ZC3HAV1: variants seen among roughly 807,000 people sequenced by gnomAD.
The protein encoded by ZC3HAV1 is zinc finger CCCH-type containing, antiviral 1.
A neutral mutation model predicts 86.6 loss-of-function variants in ZC3HAV1; 41 were observed. That is an observed-to-expected ratio of 0.47 (90% CI 0.37 to 0.61). The LOEUF is 0.61. ZC3HAV1 is among the 20% of genes least tolerant of loss of function. ZC3HAV1 has a pLI of 0.00. For synonymous variants in ZC3HAV1, 421 were observed against 432.1 expected, an observed-to-expected ratio of 0.97 and a Z score of 0.32; for missense variants, 964 against 1,141.1, an observed-to-expected ratio of 0.84 and a Z score of 2.24.
chr7:139,098,422 C>T (rs1817668052), intron 1 of ZC3HAV1, among the ~76,000 whole-genome samples: 1 of 152,148 alleles, frequency 6.6e-6, no homozygotes, highest in African/African-American at 2.4e-5. Flanking sequence ...TGCTGATAGG[C>T]ATGCGGGATC....
At position 139,065,458 on chromosome 7, in the gene ZC3HAV1, C is replaced by T. The variant is rs554076528; in HGVS notation, c.1873-459G>A. On this transcript the variant is annotated intron_variant, in intron 7 of 12. Coordinates refer to ENST00000242351, the MANE Select transcript of ZC3HAV1 (RefSeq NM_020119.4). ...AAGTAAAGAAAGACCATCTGGTCCT[C>T]GTCCAAACTCCAATAGTTGCAGTGT... 1.1e-4 allele frequency among the ~76,000 whole-genome samples: 16 copies of T among 152,284 alleles called. No individual in the cohort carries two copies. In the South Asian group the frequency reaches 1.5e-3, roughly 14 times the overall value.
intron 12 of ZC3HAV1, among the ~76,000 whole-genome samples, chr7:139,053,193 C>T (rs558788059): frequency 2.6e-4 from 40 of 152,256 alleles, no homozygotes; most frequent in African/African-American, 9.4e-4. Flanking sequence ...GAGTAGTTTA[C>T]AAGCACGTAT....
intron 2 of ZC3HAV1, among the ~76,000 whole-genome samples, chr7:139,084,894 G>C (rs1478193959): frequency 1.3e-5 from 2 of 152,236 alleles, no homozygotes; most frequent in Non-Finnish European, 2.9e-5. Flanking sequence ...GAGCAAACCA[G>C]ATCAGTATGG....
rs1470202155 is a variant in ZC3HAV1 at position 139,099,940 on chromosome 7, T to TAAATAAAC, written c.308+9083_308+9084insGTTTATTT. 7.9e-5 allele frequency among the ~76,000 whole-genome samples: 12 copies of TAAATAAAC among 151,432 alleles called. No homozygotes were observed. In the East Asian group the frequency reaches 2.1e-3, roughly 27 times the overall value. ...AAAAATAAATAAATAAATAAATAAA[T>TAAATAAAC]AAACCTCAAAAAAGTAAATAAATAA... On this transcript the variant is annotated intron_variant, in intron 1 of 12. Transcript: ENST00000242351.
Position 139,079,978 on chromosome 7 carries a change from T to C in ZC3HAV1, c.963A>G (p.Thr321=). ...GSSKATDLGG[T]SQAGTSQRFL... ...ACCTCTGGCTTGTCCCGGCCTGACT[T>C]GTTCCTCCAAGATCAGTAGCCTTGG... is the stretch of plus-strand genomic sequence containing the variant. Residue 321 remains threonine, a synonymous_variant, in exon 4 of 13, where the codon ACA becomes ACG. Transcript: ENST00000242351. The C allele has an allele frequency of 6.2e-6, 10 of 1,614,172 alleles. No individual in the cohort carries two copies. The highest frequency in any genetic ancestry group is 8.5e-6 in the Non-Finnish European group (10 of 1,180,030).
chr7:139,058,280 G>A (rs1285360601), intron 9 of ZC3HAV1, among the ~76,000 whole-genome samples: 1 of 151,588 alleles, frequency 6.6e-6, no homozygotes, highest in Non-Finnish European at 1.5e-5. Context: ...TGGAGAAACC[G>A]TGTCTCTATT....
chr7:139,064,242 C>T lies in ZC3HAV1; in HGVS notation c.1993+637G>A, dbSNP rs541316522. On this transcript the variant is annotated intron_variant, in intron 8 of 12. Transcript: ENST00000242351. ...CCTCTTCCAAAGCACCTGCAAGTCC[C>T]GAAAGGGCAAGCACTTGATCATGTG... Among the ~76,000 whole-genome samples, 6 of 152,296 alleles carry T rather than the reference C, an allele frequency of 3.9e-5. No individual in the cohort carries two copies. In the South Asian group the frequency reaches 6.2e-4, roughly 16 times the overall value.
intron 1 of ZC3HAV1, among the ~76,000 whole-genome samples, chr7:139,090,493 G>T (rs1035115059): frequency 1.3e-5 from 2 of 151,988 alleles, no homozygotes; most frequent in African/African-American, 4.8e-5. Context: ...AATTAGACTG[G>T]ATATTAAGTA....
rs1462385641 is a variant in ZC3HAV1 at position 139,046,167 on chromosome 7, A to G, written c.*1427T>C. ...TTGGTCCAAGCACGTCAAGGGCTCTAAGTAAAAACCGATGGCACTACAATT... is the reference window on the plus strand; with the variant it reads ...TTGGTCCAAGCACGTCAAGGGCTCTGAGTAAAAACCGATGGCACTACAATT... On this transcript the variant is annotated 3_prime_UTR_variant, in exon 13 of 13. Transcript: ENST00000242351. The G allele has an allele frequency of 6.6e-6, 1 of 152,160 alleles. No homozygotes were observed. Among genetic ancestry groups the G allele is most frequent in the Non-Finnish European group, 1.5e-5 (1 of 68,014 alleles). The allele number at this position is 152,160 out of a possible 1,614,324, so 9.4% of individuals were successfully genotyped here.
chr7:139,079,186 C>G, intron 4 of ZC3HAV1: 2 of 1,536,226 alleles, frequency 1.3e-6, no homozygotes, highest in Non-Finnish European at 1.7e-6. Flanking sequence ...CTTGGGCCCC[C>G]CAGACTGCAG....
At chr7:139,090,243 C>T (rs1355782070) in intron 1 of ZC3HAV1, among the ~76,000 whole-genome samples, 1 of 152,022 alleles carries the variant, frequency 6.6e-6, no homozygotes, top group African/African-American at 2.4e-5. Context: ...TTTAAATATA[C>T]TTTAAATATT....
At chr7:139,091,743 G>A (rs1817441753) in intron 1 of ZC3HAV1, among the ~76,000 whole-genome samples, 3 of 152,018 alleles carry the variant, frequency 2.0e-5, no homozygotes, top group Non-Finnish European at 4.4e-5. Context: ...AGGCCTAGGT[G>A]CTGGGATACA....
intron 1 of ZC3HAV1, among the ~76,000 whole-genome samples, chr7:139,094,641 G>A (rs1395256900): frequency 6.6e-6 from 1 of 152,084 alleles, no homozygotes; most frequent in Non-Finnish European, 1.5e-5. Flanking sequence ...TTTAGCCCAG[G>A]CAATAAGCGC....
intron 2 of ZC3HAV1, among the ~76,000 whole-genome samples, chr7:139,085,420 T>C (rs1356194567): frequency 6.6e-6 from 1 of 152,252 alleles, no homozygotes; most frequent in Non-Finnish European, 1.5e-5. Context: ...CTGATCTTTT[T>C]ATGTTCTCAC....
chr7:139,066,943 A>G (rs543320287), intron 7 of ZC3HAV1, among the ~76,000 whole-genome samples: 2 of 152,208 alleles, frequency 1.3e-5, no homozygotes, highest in Admixed American at 1.3e-4. Context: ...ATTCTGGGAA[A>G]GTTGGGGATG....
At chr7:139,078,920 G>A (rs955143484) in intron 4 of ZC3HAV1, among the ~76,000 whole-genome samples, 1 of 152,198 alleles carries the variant, frequency 6.6e-6, no homozygotes, top group African/African-American at 2.4e-5. Context: ...TATTCCCTGT[G>A]GTTCTACTGG....
At chr7:139,078,954 G>T in intron 4 of ZC3HAV1, 1 of 1,103,666 alleles carries the variant, frequency 9.1e-7, no homozygotes, top group Non-Finnish European at 1.3e-6. Context: ...GTCTTCACTA[G>T]TCAATCTCCT....
intron 12 of ZC3HAV1, among the ~76,000 whole-genome samples, chr7:139,052,612 A>G (rs1816165175): frequency 6.7e-6 from 1 of 148,998 alleles, no homozygotes; most frequent in Admixed American, 6.7e-5. Flanking sequence ...TCTCCAAAAA[A>G]AAAAAAAAAA....
intron 9 of ZC3HAV1, chr7:139,060,719 G>A: frequency 2.6e-6 from 3 of 1,140,914 alleles, no homozygotes; most frequent in Non-Finnish European, 3.3e-6. Flanking sequence ...CAAAAACCCA[G>A]TATATATGAT....
Sources: allele counts gnomAD v4.1 joint callset (sites outside exome capture counted in the v4.1 genomes callset), GRCh38; gene constraint gnomAD v4.1.1; transcripts MANE v1.5; gene names NCBI Gene and HGNC (gene_info 2026-07-23, HGNC 2026-07-21).